Variants in TBC1D31 observed in about 807,000 individuals in gnomAD.
TBC1D31 encodes WD repeat domain 67.
In TBC1D31, 99 loss-of-function variants were observed where a neutral mutation model predicts 132.9. The ratio of observed to expected loss-of-function variants is 0.74; its 90% CI spans 0.63 to 0.88. The LOEUF (loss-of-function observed/expected upper bound fraction) is 0.88. Among genes scored for constraint, TBC1D31 ranks in the 40% least tolerant of loss-of-function variants. The pLI is 0.00. For missense variants in TBC1D31, 1,134 were observed against 1,256.6 expected (o/e 0.90, Z 1.48); for synonymous variants, 385 against 419.4 (o/e 0.92, Z 1.00).
At position 123,151,829 on chromosome 8, in the gene TBC1D31, G is replaced by A. The variant is rs771962789; in HGVS notation, c.3091G>A (p.Glu1031Lys). 6.4e-7 allele frequency: 1 copy of A among 1,569,968 alleles called. No individual in the cohort carries two copies. Among genetic ancestry groups the A allele is most frequent in the Admixed American group, 2.1e-5 (1 of 46,852 alleles). The change falls in exon 22 of 22, where the codon GAA (glutamate) becomes AAA (lysine). Residue 1031 changes from glutamate to lysine, a missense_variant. Coordinates refer to ENST00000287380, the MANE Select transcript of TBC1D31 (RefSeq NM_145647.4). ...TQISLNRRAV[E>K]WDTTGQNLIK... ...AGTTTCTTTAAATAGAAGAGCAGTA[G>A]AATGGGACACCACGGGACAGAATCT...
intron 1 of TBC1D31, chr8:123,073,467 G>A (rs1405893989): frequency 8.8e-6 from 4 of 452,818 alleles, no homozygotes; most frequent in South Asian, 6.2e-5. Context: ...ATGCATTGCT[G>A]GGGGGCTTCT....
At chr8:123,082,579 T>G in intron 2 of TBC1D31, 123 bp from the exon 3 acceptor site, 1 of 643,398 alleles carries the variant, frequency 1.6e-6, no homozygotes, top group South Asian at 2.0e-5. Flanking sequence ...ATAATCTATT[T>G]TTGGCCTAAA....
At chr8:123,162,983 A>G in the TBC1D31 span, among the ~76,000 whole-genome samples, 661 of 151,880 alleles carry the variant, frequency 4.4e-3, 3 homozygotes, top group African/African-American at 0.015. Context: ...CAGGCGCGCC[A>G]CCACACTCAG....
At chr8:123,110,402 T>TA (rs1296219224) in intron 10 of TBC1D31, among the ~76,000 whole-genome samples, 7 of 152,254 alleles carry the variant, frequency 4.6e-5, no homozygotes, top group African/African-American at 1.7e-4. Flanking sequence ...ACATTTGACT[T>TA]ATAGGTAAAG....
chr8:123,159,871 A>C, the TBC1D31 span, among the ~76,000 whole-genome samples: 2 of 152,174 alleles, frequency 1.3e-5, no homozygotes, highest in Non-Finnish European at 2.9e-5. Context: ...GGTGAGAGGA[A>C]GACTCTTTTT....
chr8:123,098,906 C>T (rs1326510977), intron 6 of TBC1D31, among the ~76,000 whole-genome samples: 1 of 152,104 alleles, frequency 6.6e-6, no homozygotes, highest in Non-Finnish European at 1.5e-5. Context: ...TTGTTTCCTA[C>T]AAGCCAACCA....
intron 17 of TBC1D31, among the ~76,000 whole-genome samples, chr8:123,139,250 AAC>A (rs1821401748): frequency 6.6e-6 from 1 of 151,980 alleles, no homozygotes; most frequent in African/African-American, 2.4e-5. Flanking sequence ...AAATTCATGT[AAC>A]ACCCTGATAG....
chr8:123,148,104 G>A (rs560809624), intron 20 of TBC1D31, among the ~76,000 whole-genome samples: 106 of 150,766 alleles, frequency 7.0e-4, no homozygotes, highest in African/African-American at 2.5e-3. Flanking sequence ...TCCAGCCTGG[G>A]CGACAGAGCG....
the TBC1D31 span, among the ~76,000 whole-genome samples, chr8:123,163,080 C>T: frequency 6.6e-6 from 1 of 152,168 alleles, no homozygotes; most frequent in Non-Finnish European, 1.5e-5. Flanking sequence ...CCACCTCAGC[C>T]TCCCAAAGTG....
Position 123,140,816 on chromosome 8 carries a change from C to G in TBC1D31, c.2555C>G (p.Ala852Gly), listed in dbSNP as rs756952918. Residue 852 changes from alanine to glycine, a missense_variant, in exon 18 of 22, where the codon GCC becomes GGC. Coordinates refer to ENST00000287380, the MANE Select transcript of TBC1D31 (RefSeq NM_145647.4). ...LAKEMRADAD[A>G]YRRKVDLEEH... is the part of the protein sequence containing the mutation. ...AAAGAAATGCGAGCAGATGCAGATG[C>G]CTATAGACGAAAAGTGGATCTTGAA... 1 of 1,612,880 alleles carries G rather than the reference C, an allele frequency of 6.2e-7. No individual in the cohort carries two copies. The highest frequency in any genetic ancestry group is 8.5e-7 in the Non-Finnish European group (1 of 1,179,386).
intron 7 of TBC1D31, 131 bp from the exon 8 acceptor site, chr8:123,105,157 A>G: frequency 1.7e-6 from 1 of 575,794 alleles, no homozygotes; most frequent in Non-Finnish European, 2.6e-6. Context: ...ATTTTACTTA[A>G]GTTTTTTGCC....
chr8:123,164,480 A>G, the TBC1D31 span, among the ~76,000 whole-genome samples: 4 of 152,156 alleles, frequency 2.6e-5, no homozygotes, highest in Non-Finnish European at 5.9e-5. Context: ...CCAGCACTTC[A>G]GGAGGCTGAG....
chr8:123,141,003 G>A, intron 18 of TBC1D31, 102 bp downstream of exon 18: 2 of 1,136,640 alleles, frequency 1.8e-6, no homozygotes, highest in East Asian at 2.4e-5. Flanking sequence ...AGTTGAGTTA[G>A]TTTGTTTCTT....
At chr8:123,164,647 G>A in the TBC1D31 span, among the ~76,000 whole-genome samples, 15 of 152,064 alleles carry the variant, frequency 9.9e-5, no homozygotes, top group African/African-American at 2.2e-4. Context: ...TCTTGAACCC[G>A]GGAGGTGGAG....
At chr8:123,082,431 C>T in intron 2 of TBC1D31, 1 of 338,896 alleles carries the variant, frequency 3.0e-6, no homozygotes, top group South Asian at 5.8e-5. Context: ...ATTCCTTGTC[C>T]CTCTATCCAT....
intron 4 of TBC1D31, among the ~76,000 whole-genome samples, chr8:123,088,299 A>G (rs939416074): frequency 1.3e-5 from 2 of 152,216 alleles, no homozygotes; most frequent in African/African-American, 4.8e-5. Flanking sequence ...GAGCAAAATT[A>G]TATAACCATT....
chr8:123,077,520 T>A (rs553047935), intron 2 of TBC1D31, among the ~76,000 whole-genome samples: 1 of 150,300 alleles, frequency 6.7e-6, no homozygotes, highest in East Asian at 1.9e-4. Context: ...AATTTAAAAA[T>A]TTATTATTGC....
intron 20 of TBC1D31, 76 bp from the exon 21 acceptor site, chr8:123,149,960 C>G (rs1822612418): frequency 9.7e-7 from 1 of 1,029,782 alleles, no homozygotes; most frequent in Admixed American, 1.9e-5. Flanking sequence ...TTGTAACTTA[C>G]TAGGGACCAT....
Position 123,151,954 on chromosome 8 carries a change from TGAGACGGTC to T in TBC1D31, c.*20_*28del. On this transcript the variant is annotated 3_prime_UTR_variant, in exon 22 of 22. Transcript: ENST00000287380. ...TGGCTGCATAGAATGCATGTCACCT[TGAGACGGTC>T]GAGAGAGAGACCTATTTTGCAATCA... 4.0e-6 allele frequency: 6 copies of T among 1,491,362 alleles called. No homozygotes were observed. Among genetic ancestry groups the T allele is most frequent in the Non-Finnish European group, 5.4e-6 (6 of 1,120,096 alleles). The allele number at this position is 1,491,362 out of a possible 1,614,324, so 92.4% of individuals were successfully genotyped here. A position where few individuals can be genotyped will look rare whatever the true frequency, so the allele number is the denominator to read the frequency against.
Sources: gnomAD v4.1 joint callset for allele counts (sites outside exome capture counted in the v4.1 genomes callset) on GRCh38, gnomAD v4.1.1 for gene constraint, MANE v1.5 for transcripts, NCBI Gene and HGNC (gene_info 2026-07-23, HGNC 2026-07-21) for gene names.